Variants in NEK7 observed in about 807,000 individuals in gnomAD.
The protein encoded by NEK7 is NIMA related kinase 7.
NEK7 carries 18 observed loss-of-function variants against 44.6 expected under a neutral mutation model. The observed-to-expected ratio is 0.40, with a 90% CI of 0.28 to 0.60. NEK7 has a LOEUF of 0.60. Among genes scored for constraint, NEK7 ranks in the 20% least tolerant of loss-of-function variants. The probability of loss-of-function intolerance (pLI) is 0.38; values close to 1 mark genes in which losing one functional copy is unlikely to be tolerated. For synonymous variants in NEK7, 130 were observed against 121.1 expected (o/e 1.07, Z -0.48); for missense variants, 256 against 366.5 (o/e 0.70, Z 2.46).
At chr1:198,284,754 T>C (rs1350142321) in intron 7 of NEK7, among the ~76,000 whole-genome samples, 1 of 152,134 alleles carries the variant, frequency 6.6e-6, no homozygotes, top group South Asian at 2.1e-4. Context: ...TTTAAACATA[T>C]AAACAGAGTA....
chr1:198,159,210 A>G (rs980900987), intron 1 of NEK7, among the ~76,000 whole-genome samples: 1 of 152,172 alleles, frequency 6.6e-6, no homozygotes, highest in African/African-American at 2.4e-5. Flanking sequence ...TTCCTACTCC[A>G]GCCCTGGGCT....
intron 1 of NEK7, among the ~76,000 whole-genome samples, chr1:198,172,568 C>T (rs2102723105): frequency 6.6e-6 from 1 of 152,294 alleles, no homozygotes; most frequent in African/African-American, 2.4e-5. Context: ...ATGTTTGCAG[C>T]TGAACTTTAC....
chr1:198,175,310 T>G (rs1322248417), intron 1 of NEK7, among the ~76,000 whole-genome samples: 1 of 152,194 alleles, frequency 6.6e-6, no homozygotes, highest in African/African-American at 2.4e-5. Flanking sequence ...TGTTTTTCAT[T>G]TTTTGTGTGT....
chr1:198,163,768 G>A (rs1231084375), intron 1 of NEK7, among the ~76,000 whole-genome samples: 3 of 152,180 alleles, frequency 2.0e-5, no homozygotes, highest in African/African-American at 7.2e-5. Context: ...TTTGTTGTTA[G>A]AATATGTTTA....
Position 198,178,796 on chromosome 1 carries a change from C to A in NEK7, c.-29+21520C>A, listed in dbSNP as rs141078875. Among the ~76,000 whole-genome samples, 551 of 151,840 alleles carry A rather than the reference C, an allele frequency of 3.6e-3. 1 individual carries two copies. The highest frequency in any genetic ancestry group is 3.7e-3 in the Non-Finnish European group (250 of 67,874). On this transcript the variant is annotated intron_variant, in intron 1 of 9. Coordinates refer to ENST00000367385, the MANE Select transcript of NEK7 (RefSeq NM_133494.3). ...AAGAGCACTTATGGTTGTAGATACA[C>A]AAAGCTTCAATAAAATTAAAACTAA...
At chr1:198,225,681 T>C (rs1423208101) in intron 1 of NEK7, among the ~76,000 whole-genome samples, 8 of 152,192 alleles carry the variant, frequency 5.3e-5, no homozygotes. Flanking sequence ...CTCCCACAAC[T>C]CACCAACTTT....
intron 1 of NEK7, among the ~76,000 whole-genome samples, chr1:198,190,010 G>C (rs1426558002): frequency 6.6e-6 from 1 of 152,008 alleles, no homozygotes; most frequent in East Asian, 1.9e-4. Flanking sequence ...GCAACATCTT[G>C]AATAATTCTT....
At chr1:198,207,910 A>G (rs992136168) in intron 1 of NEK7, among the ~76,000 whole-genome samples, 1 of 152,216 alleles carries the variant, frequency 6.6e-6, no homozygotes, top group African/African-American at 2.4e-5. Flanking sequence ...GATAATGTTA[A>G]TATAGTTTTT....
chr1:198,279,776 A>T (rs181767753), intron 7 of NEK7, among the ~76,000 whole-genome samples: 7 of 152,108 alleles, frequency 4.6e-5, no homozygotes, highest in Non-Finnish European at 1.0e-4. Context: ...GTTATACTAA[A>T]TAACAAAATA....
chr1:198,232,771 A>T, intron 2 of NEK7, 134 bp downstream of exon 2: 1 of 471,364 alleles, frequency 2.1e-6, no homozygotes, highest in Non-Finnish European at 3.6e-6. Flanking sequence ...CCAAGTTTTA[A>T]TCAGCATTTT....
chr1:198,277,078 A>G (rs1654041356), intron 5 of NEK7, among the ~76,000 whole-genome samples: 2 of 151,778 alleles, frequency 1.3e-5, no homozygotes, highest in Admixed American at 1.3e-4. Flanking sequence ...ATGGAAACCT[A>G]TTACAATGCA....
At chr1:198,179,508 T>C (rs1664696587) in intron 1 of NEK7, among the ~76,000 whole-genome samples, 1 of 152,042 alleles carries the variant, frequency 6.6e-6, no homozygotes, top group African/African-American at 2.4e-5. Context: ...TATAATACTC[T>C]AAAAAAAGGA....
chr1:198,251,795 T>C (rs1653006638), intron 2 of NEK7, among the ~76,000 whole-genome samples: 1 of 152,162 alleles, frequency 6.6e-6, no homozygotes, highest in Non-Finnish European at 1.5e-5. Context: ...GCTAGCAGTC[T>C]ATCAATTTTG....
intron 2 of NEK7, among the ~76,000 whole-genome samples, chr1:198,250,076 C>A (rs967379514): frequency 1.4e-5 from 2 of 148,022 alleles, no homozygotes; most frequent in Non-Finnish European, 3.0e-5. Context: ...AGGAAGGGAT[C>A]CAGTTTCAGC....
At chr1:198,174,157 TA>T (rs1220342064) in intron 1 of NEK7, among the ~76,000 whole-genome samples, 1 of 152,212 alleles carries the variant, frequency 6.6e-6, no homozygotes, top group African/African-American at 2.4e-5. Flanking sequence ...GATATAAAAA[TA>T]TATAACCAAT....
At chr1:198,171,044 G>T (rs1372035779) in intron 1 of NEK7, among the ~76,000 whole-genome samples, 1 of 152,120 alleles carries the variant, frequency 6.6e-6, no homozygotes, top group African/African-American at 2.4e-5. Flanking sequence ...GAGATTACAG[G>T]CATGAGCCAC....
At position 198,265,775 on chromosome 1, in the gene NEK7, G is replaced by A. The variant is rs188418071; in HGVS notation, c.372+1540G>A. Among the ~76,000 whole-genome samples the A allele has an allele frequency of 8.4e-4, 128 of 152,018 alleles. 2 individuals are homozygous for A. The highest frequency in any genetic ancestry group is 7.3e-3 in the Admixed American group (111 of 15,244). The stretch of plus-strand genomic sequence containing the variant: ...TGTAGATAAAGAGTTGATTTCCTGG[G>A]CAGGTAGGAAAGATTGATATGTGGT... On this transcript the variant is annotated intron_variant, in intron 5 of 9. Transcript: ENST00000367385.
rs58273857 is a variant in NEK7, at chr1:198,204,717, C to CAA, written c.-28-27816_-28-27815dup. Among the ~76,000 whole-genome samples the CAA allele has an allele frequency of 2.3e-3, 205 of 87,434 alleles. 2 individuals are homozygous for CAA. Among genetic ancestry groups the CAA allele is most frequent in the Non-Finnish European group, 3.7e-3 (148 of 40,016 alleles). 57.4% of individuals were successfully genotyped at this position (87,434 alleles called of 152,430 possible). A position where few individuals can be genotyped will look rare whatever the true frequency, so the allele number is the denominator to read the frequency against. Reference sequence around the variant, plus strand: ...CCTGGGCGACAGCGAGACTCCGTCTCAAAAAAAAAAAAAAAAAAAAAGAAA... The same window carrying CAA: ...CCTGGGCGACAGCGAGACTCCGTCTCAAAAAAAAAAAAAAAAAAAAAAAGAAA... On this transcript the variant is annotated intron_variant, in intron 1 of 9. Coordinates refer to ENST00000367385, the MANE Select transcript of NEK7 (RefSeq NM_133494.3).
chr1:198,231,297 G>A (rs1049918960), intron 1 of NEK7, among the ~76,000 whole-genome samples: 2 of 90,212 alleles, frequency 2.2e-5, no homozygotes, highest in South Asian at 3.5e-4. Flanking sequence ...GTGTATGTGT[G>A]TGTGTATATA....
Sources: allele counts gnomAD v4.1 joint callset (sites outside exome capture counted in the v4.1 genomes callset), GRCh38; gene constraint gnomAD v4.1.1; transcripts MANE v1.5; gene names NCBI Gene and HGNC (gene_info 2026-07-23, HGNC 2026-07-21).